Variants in TMEM41B observed in about 807,000 individuals in gnomAD.
TMEM41B encodes protein stasimon.
In TMEM41B, 18 loss-of-function variants were observed where a neutral mutation model predicts 31.9. The observed-to-expected ratio is 0.56, with a 90% CI of 0.39 to 0.84. The LOEUF is 0.84. TMEM41B is among the 40% of genes least tolerant of loss of function. The pLI is 0.00. For missense variants in TMEM41B, 322 were observed against 348.0 expected (o/e 0.93, Z 0.59); for synonymous variants, 144 against 124.3 (o/e 1.16, Z -1.05).
intron 6 of TMEM41B, among the ~76,000 whole-genome samples, chr11:9,284,215 A>T (rs751206434): frequency 1.1e-4 from 17 of 151,038 alleles, no homozygotes; most frequent in Non-Finnish European, 2.2e-4. Context: ...TGCAATCATC[A>T]CTCATTGCAG....
intron 1 of TMEM41B, among the ~76,000 whole-genome samples, chr11:9,308,088 T>C (rs1378256508): frequency 1.3e-5 from 2 of 151,822 alleles, no homozygotes; most frequent in Non-Finnish European, 2.9e-5. Context: ...GGCTCACACA[T>C]GTAATCCCAG....
Position 9,314,466 on chromosome 11 carries a change from G to A in TMEM41B, c.-25C>T, listed in dbSNP as rs1323807036. On this transcript the variant is annotated 5_prime_UTR_variant, in exon 1 of 7. Coordinates refer to ENST00000528080, the MANE Select transcript of TMEM41B (RefSeq NM_015012.4). The stretch of plus-strand genomic sequence containing the variant: ...TGGCTGCTGCAAGGTGAAGGGAGCG[G>A]TGCGGTGCCGCGCCCCCTAAACAAC... The A allele has an allele frequency of 3.9e-6, 6 of 1,543,166 alleles. No individual in the cohort carries two copies. The highest frequency in any genetic ancestry group is 4.4e-6 in the Non-Finnish European group (5 of 1,142,246).
chr11:9,286,185 G>A (rs1032670361), intron 6 of TMEM41B, among the ~76,000 whole-genome samples: 1 of 17,560 alleles, frequency 5.7e-5, no homozygotes, highest in Admixed American at 9.9e-4. Context: ...TCTCCACTTA[G>A]AGGGACTGGA....
intron 6 of TMEM41B, among the ~76,000 whole-genome samples, chr11:9,284,494 G>A (rs1475828116): frequency 6.6e-6 from 1 of 152,046 alleles, no homozygotes; most frequent in African/African-American, 2.4e-5. Context: ...CCGGCACAGT[G>A]GCTCATACGT....
At position 9,314,419 on chromosome 11, in the gene TMEM41B, T is replaced by C. The variant is rs545255279; in HGVS notation, c.23A>G (p.Glu8Gly). 3 of 1,561,578 alleles carry C rather than the reference T, an allele frequency of 1.9e-6. No individual in the cohort carries two copies. Among genetic ancestry groups the C allele is most frequent in the East Asian group, 4.8e-5 (2 of 41,446 alleles). Residue 8 changes from glutamate (E) to glycine (G), a missense_variant, in exon 1 of 7, where the codon GAA becomes GGA. Physicochemically the swap from Glu to Gly is moderately conservative, Grantham distance 98. Around this residue, in one of 3 missense-constraint regions of TMEM41B, gnomAD observed 183 missense variants for 175.3 expected, o/e 1.04. Transcript: ENST00000528080. ...GTGGTGAGCGCCCAACTGCGATCGTTCGGCGACTCTGCCTTTCGCCATGGC... is the reference window on the plus strand; with the variant it reads ...GTGGTGAGCGCCCAACTGCGATCGTCCGGCGACTCTGCCTTTCGCCATGGC... Reference protein sequence around the residue: MAKGRVAERSQLGAHHTT... With the variant: MAKGRVAGRSQLGAHHTT...
intron 1 of TMEM41B, among the ~76,000 whole-genome samples, chr11:9,307,894 A>T (rs10840203): frequency 0.15 from 22,862 of 152,048 alleles, 1,956 homozygotes; most frequent in Non-Finnish European, 0.2. Flanking sequence ...TACAGGCACC[A>T]CCCGCCACCT....
chr11:9,310,515 CTTATA>C (rs1853531707), intron 1 of TMEM41B, among the ~76,000 whole-genome samples: 1 of 152,118 alleles, frequency 6.6e-6, no homozygotes, highest in Admixed American at 6.6e-5. Context: ...AGGGTCATGA[CTTATA>C]TATTGAAAAA....
chr11:9,296,925 G>T lies in TMEM41B; in HGVS notation c.240-1538C>A, dbSNP rs375838960. ...ATATTATGATCATTTCTTTTTTTTT[G>T]TTTGTTCTATAGGCAGGCTCCCATG... On this transcript the variant is annotated intron_variant, in intron 2 of 6. Transcript: ENST00000528080. 4.5e-3 allele frequency among the ~76,000 whole-genome samples: 678 copies of T among 150,678 alleles called. 6 individuals are homozygous for T. Among genetic ancestry groups the T allele is most frequent in the African/African-American group, 0.015 (626 of 41,126 alleles).
intron 6 of TMEM41B, among the ~76,000 whole-genome samples, chr11:9,285,088 CTTTTT>C (rs11405419): frequency 7.6e-6 from 1 of 131,206 alleles, no homozygotes. Flanking sequence ...TTCCTTCTTT[CTTTTT>C]TTTTTTTTTT....
At chr11:9,305,353 C>CTT (rs1457273087) in intron 1 of TMEM41B, among the ~76,000 whole-genome samples, 1 of 152,110 alleles carries the variant, frequency 6.6e-6, no homozygotes, top group Non-Finnish European at 1.5e-5. Flanking sequence ...AATCGCAGCA[C>CTT]TTTGGAAGGC....
At position 9,288,519 on chromosome 11, in the gene TMEM41B, T is replaced by G. The variant is rs201596259; in HGVS notation, c.385A>C (p.Ile129Leu). 6.3e-7 allele frequency: 1 copy of G among 1,580,998 alleles called. No homozygotes were observed. Among genetic ancestry groups the G allele is most frequent in the Non-Finnish European group, 8.6e-7 (1 of 1,167,004 alleles). Residue 129 changes from isoleucine (I) to leucine (L), a missense_variant, in exon 4 of 7, where the codon ATT becomes CTT. This residue lies in a region of TMEM41B where 183 missense variants were observed against 175.3 expected (regional missense o/e 1.04). Coordinates refer to ENST00000528080, the MANE Select transcript of TMEM41B (RefSeq NM_015012.4). Reference protein sequence around the residue: ...ATYIFLQTFAIPGSIFLSILS... With the variant: ...ATYIFLQTFALPGSIFLSILS... ...ATACTGAGAAATATAGAGCCTGGAA[T>G]AGCAAATGTTTGCAAGCTGGTAACT...
intron 1 of TMEM41B, among the ~76,000 whole-genome samples, chr11:9,305,979 C>CTTTTTTTTTTTT (rs746744551): frequency 1.7e-5 from 2 of 118,004 alleles, no homozygotes; most frequent in Non-Finnish European, 3.4e-5. Flanking sequence ...CAGCACTTTT[C>CTTTTTTTTTTTT]TTTTTTTTTT....
intron 1 of TMEM41B, among the ~76,000 whole-genome samples, chr11:9,310,297 G>A (rs1178246353): frequency 3.9e-5 from 6 of 151,904 alleles, no homozygotes; most frequent in Non-Finnish European, 8.8e-5. Flanking sequence ...GCCTCCCAAA[G>A]TGCTGGGATT....
At chr11:9,309,954 T>C (rs1853514729) in intron 1 of TMEM41B, among the ~76,000 whole-genome samples, 2 of 150,940 alleles carry the variant, frequency 1.3e-5, no homozygotes, top group African/African-American at 4.9e-5. Context: ...AAAAAAAATA[T>C]TGTTTTCTAG....
chr11:9,292,007 CCT>C (rs748078231), intron 3 of TMEM41B, among the ~76,000 whole-genome samples: 1 of 152,000 alleles, frequency 6.6e-6, no homozygotes, highest in Non-Finnish European at 1.5e-5. Flanking sequence ...TGCCTGGCCT[CCT>C]TTTCTTTTTA....
At chr11:9,293,683 G>T (rs764207481) in intron 3 of TMEM41B, among the ~76,000 whole-genome samples, 2 of 152,152 alleles carry the variant, frequency 1.3e-5, no homozygotes, top group African/African-American at 2.4e-5. Context: ...CTGGGTTCAG[G>T]TGATCCTCCT....
chr11:9,298,191 G>T (rs966946096), intron 2 of TMEM41B, among the ~76,000 whole-genome samples: 9 of 152,010 alleles, frequency 5.9e-5, no homozygotes, highest in African/African-American at 1.9e-4. Flanking sequence ...GGGCACAGTG[G>T]CTCATGCCTG....
chr11:9,292,313 G>A (rs895116741), intron 3 of TMEM41B, among the ~76,000 whole-genome samples: 1 of 152,114 alleles, frequency 6.6e-6, no homozygotes, highest in Non-Finnish European at 1.5e-5. Context: ...AATGTGACTT[G>A]AGCTTAACTT....
At chr11:9,304,936 G>A (rs1206045767) in intron 1 of TMEM41B, among the ~76,000 whole-genome samples, 4 of 152,000 alleles carry the variant, frequency 2.6e-5, no homozygotes, top group African/African-American at 2.4e-5. Flanking sequence ...AATTACAGGC[G>A]TGAGCCACCA....
Sources: allele counts gnomAD v4.1 joint callset (sites outside exome capture counted in the v4.1 genomes callset), GRCh38; gene constraint gnomAD v4.1.1; regional missense constraint gnomAD v4.1.1; transcripts MANE v1.5; gene names NCBI Gene and HGNC (gene_info 2026-07-23, HGNC 2026-07-21).